The following PREX2 variants were observed in gnomAD, a reference collection of about 807,000 sequenced individuals.
PREX2 encodes phosphatidylinositol 3,4,5-trisphosphate-dependent Rac exchanger 2 protein.
A neutral mutation model predicts 203.2 loss-of-function variants in PREX2; 107 were observed. That is an observed-to-expected ratio of 0.53 (90% CI 0.45 to 0.62). The LOEUF is 0.62. PREX2 is among the 20% of genes least tolerant of loss of function. The probability of loss-of-function intolerance (pLI) is 0.00; values close to 1 mark genes in which losing one functional copy is unlikely to be tolerated. For missense variants in PREX2, 1,777 were observed against 1,955.9 expected (o/e 0.91, Z 1.72); for synonymous variants, 672 against 663.6 (o/e 1.01, Z -0.19).
intron 37 of PREX2, 77 bp downstream of exon 37, chr8:68,192,602 T>C (rs1379214201): frequency 8.4e-7 from 1 of 1,188,188 alleles, no homozygotes; most frequent in African/African-American, 1.5e-5. Context: ...CATTTTGGCT[T>C]CACAAAATTA....
chr8:67,965,511 G>A (rs1333554553), intron 1 of PREX2, among the ~76,000 whole-genome samples: 1 of 151,446 alleles, frequency 6.6e-6, no homozygotes, highest in African/African-American at 2.4e-5. Context: ...ATATATATGT[G>A]TGTGTATATA....
rs141044132 is a variant in PREX2, at chr8:67,956,171, T to C, written c.141+3636T>C. ...TGCTTTATTAAAATATTTTCAAACATTTCTTCTAAATAAATGATTACATGA... is the reference window on the plus strand; with the variant it reads ...TGCTTTATTAAAATATTTTCAAACACTTCTTCTAAATAAATGATTACATGA... On this transcript the variant is annotated intron_variant, in intron 1 of 39. Transcript: ENST00000288368. 5.3e-5 allele frequency among the ~76,000 whole-genome samples: 8 copies of C among 152,356 alleles called. No individual in the cohort carries two copies. The East Asian group carries it at 1.5e-3, about 29-fold the overall frequency.
chr8:68,143,143 G>T (rs1292616422), intron 33 of PREX2, among the ~76,000 whole-genome samples: 1 of 152,136 alleles, frequency 6.6e-6, no homozygotes, highest in Non-Finnish European at 1.5e-5. Context: ...TGGTGATATA[G>T]TTTGGATGTG....
rs188484875 is a variant in PREX2 at position 68,125,162 on chromosome 8, T to C, written c.3725-2216T>C. Among the ~76,000 whole-genome samples, 954 of 152,258 alleles carry C rather than the reference T, an allele frequency of 6.3e-3. 27 individuals carry two copies. Among genetic ancestry groups the C allele is most frequent in the Non-Finnish European group, 2.4e-3 (164 of 68,008 alleles). On this transcript the variant is annotated intron_variant, in intron 30 of 39. Coordinates refer to ENST00000288368, the MANE Select transcript of PREX2 (RefSeq NM_024870.4). ...GATCATTGAAATCAGTTGCTTGTTA[T>C]GTGGAGGCACTCTGAGTAACTTTGC... is the stretch of plus-strand genomic sequence containing the variant.
chr8:67,952,401 G>C lies in PREX2; in HGVS notation c.7G>C (p.Glu3Gln). The change falls in exon 1 of 40, where the codon GAG becomes CAG. Residue 3 changes from glutamate (E) to glutamine (Q), a missense_variant. By Grantham distance (29) the Glu-to-Gln change is conservative. Coordinates refer to ENST00000288368, the MANE Select transcript of PREX2 (RefSeq NM_024870.4). ...CTGCGCACCGCCGCCGACCATGAGC[G>C]AGGACAGCCGCGGAGACAGCCGCGC... Reference protein sequence around the residue: MSEDSRGDSRAES... With the variant: MSQDSRGDSRAES... The C allele has an allele frequency of 1.9e-6, 3 of 1,553,526 alleles. No homozygotes were observed. Among genetic ancestry groups the C allele is most frequent in the Non-Finnish European group, 2.6e-6 (3 of 1,150,800 alleles).
intron 38 of PREX2, among the ~76,000 whole-genome samples, chr8:68,222,303 AG>A (rs1013455955): frequency 5.9e-5 from 9 of 152,110 alleles, no homozygotes; most frequent in African/African-American, 2.2e-4. Context: ...AGACGAGAAA[AG>A]GAAGACAAGT....
chr8:68,149,126 A>G (rs1811382587), intron 34 of PREX2, among the ~76,000 whole-genome samples: 1 of 152,198 alleles, frequency 6.6e-6, no homozygotes, highest in East Asian at 1.9e-4. Flanking sequence ...ACTAAAGTCA[A>G]CCCTCCTAAA....
intron 35 of PREX2, among the ~76,000 whole-genome samples, chr8:68,178,298 GACTTTTTA>G (rs1208365363): frequency 1.3e-5 from 2 of 151,958 alleles, no homozygotes; most frequent in African/African-American, 2.4e-5. Context: ...GTTATTTTTT[GACTTTTTA>G]ATTGCCATTT....
chr8:67,959,610 A>C (rs1805578539), intron 1 of PREX2, among the ~76,000 whole-genome samples: 1 of 152,128 alleles, frequency 6.6e-6, no homozygotes. Context: ...GACAAGGCAA[A>C]ATTTTCTGAA....
At chr8:68,086,363 G>A (rs900059430) in intron 18 of PREX2, among the ~76,000 whole-genome samples, 9 of 152,034 alleles carry the variant, frequency 5.9e-5, no homozygotes, top group Non-Finnish European at 1.2e-4. Context: ...CCTTAGTTTT[G>A]CTCAAACTCT....
At chr8:68,150,953 A>G (rs1811421775) in intron 34 of PREX2, among the ~76,000 whole-genome samples, 1 of 152,086 alleles carries the variant, frequency 6.6e-6, no homozygotes, top group African/African-American at 2.4e-5. Flanking sequence ...CAGCATAACT[A>G]CAATCTCTGC....
intron 39 of PREX2, among the ~76,000 whole-genome samples, chr8:68,229,589 G>A (rs1376640926): frequency 6.6e-6 from 1 of 152,172 alleles, no homozygotes; most frequent in Non-Finnish European, 1.5e-5. Flanking sequence ...ATTTCATTAG[G>A]TGATCACAGG....
chr8:68,211,552 C>T (rs1812743040), intron 37 of PREX2, among the ~76,000 whole-genome samples: 1 of 152,178 alleles, frequency 6.6e-6, no homozygotes, highest in Non-Finnish European at 1.5e-5. Flanking sequence ...TCTTGCTGCA[C>T]TTTATGAGGT....
At chr8:68,017,017 G>T (rs985620796) in intron 1 of PREX2, among the ~76,000 whole-genome samples, 1 of 152,146 alleles carries the variant, frequency 6.6e-6, no homozygotes, top group Non-Finnish European at 1.5e-5. Flanking sequence ...ATAATGGATG[G>T]TGTCTTGAGG....
intron 6 of PREX2, among the ~76,000 whole-genome samples, chr8:68,037,153 G>T (rs973978853): frequency 2.0e-5 from 3 of 152,050 alleles, no homozygotes; most frequent in Admixed American, 6.5e-5. Flanking sequence ...TAAAATTAAT[G>T]TTCTAAATTT....
intron 7 of PREX2, among the ~76,000 whole-genome samples, chr8:68,041,931 A>C (rs1808212313): frequency 6.6e-6 from 1 of 152,148 alleles, no homozygotes; most frequent in Non-Finnish European, 1.5e-5. Context: ...AAAGTTTAAC[A>C]AAATTAAAAT....
At chr8:68,021,517 A>G (rs939709412) in intron 3 of PREX2, among the ~76,000 whole-genome samples, 28 of 152,312 alleles carry the variant, frequency 1.8e-4, no homozygotes, top group African/African-American at 5.5e-4. Flanking sequence ...AGACTGGTGT[A>G]TATGAACTGC....
rs1365107946 is a variant in PREX2, at chr8:68,081,026, T to C, written c.1878+188T>C. On this transcript the variant is annotated intron_variant, in intron 17 of 39. Transcript: ENST00000288368. The stretch of plus-strand genomic sequence containing the variant: ...TTTGGGATTAGCAGCAGCTGAGTCC[T>C]GTCTGGCCACTCAGGGATAATAGGG... 3.3e-5 allele frequency among the ~76,000 whole-genome samples: 5 copies of C among 152,178 alleles called. No homozygotes were observed. The East Asian group carries it at 7.7e-4, about 23-fold the overall frequency.
At chr8:68,104,085 T>A (rs527342006) in intron 23 of PREX2, among the ~76,000 whole-genome samples, 1 of 152,292 alleles carries the variant, frequency 6.6e-6, no homozygotes, top group South Asian at 2.1e-4. Context: ...ATCCTCCCCA[T>A]TGCTCAGCCT....
Sources: gnomAD v4.1 joint callset for allele counts (sites outside exome capture counted in the v4.1 genomes callset) on GRCh38, gnomAD v4.1.1 for gene constraint, MANE v1.5 for transcripts, NCBI Gene and HGNC (gene_info 2026-07-23, HGNC 2026-07-21) for gene names.